UTRN: variants seen among roughly 807,000 people sequenced by gnomAD.
The protein encoded by UTRN is utrophin, also known as dystrophin-related protein 1.
Under a neutral mutation model 463.9 loss-of-function variants are expected in UTRN, and 283 were observed. The ratio of observed to expected loss-of-function variants is 0.61; its 90% CI spans 0.55 to 0.67. UTRN has a LOEUF of 0.67. UTRN is among the 30% of genes least tolerant of loss of function. UTRN has a pLI of 0.00. For missense variants in UTRN, 3,922 were observed against 4,084.3 expected (o/e 0.96, Z 1.08); for synonymous variants, 1,442 against 1,431.5 (o/e 1.01, Z -0.17).
chr6:144,494,017 T>G (rs1201518201), intron 33 of UTRN, among the ~76,000 whole-genome samples: 4 of 152,136 alleles, frequency 2.6e-5, no homozygotes, highest in Non-Finnish European at 2.9e-5. Flanking sequence ...AAAATTTATT[T>G]TTAATATTTA....
At chr6:144,623,519 G>A (rs1380683822) in intron 51 of UTRN, among the ~76,000 whole-genome samples, 1 of 152,106 alleles carries the variant, frequency 6.6e-6, no homozygotes, top group Non-Finnish European at 1.5e-5. Context: ...TTGGAACACT[G>A]GGGAAGATTG....
chr6:144,335,292 T>C (rs977372750), intron 2 of UTRN, among the ~76,000 whole-genome samples: 4 of 152,234 alleles, frequency 2.6e-5, no homozygotes, highest in Admixed American at 2.6e-4. Flanking sequence ...GCTTTGTTCT[T>C]GTCTTATTTC....
chr6:144,490,705 T>C (rs1792975483), intron 31 of UTRN, among the ~76,000 whole-genome samples: 1 of 152,182 alleles, frequency 6.6e-6, no homozygotes, highest in Non-Finnish European at 1.5e-5. Flanking sequence ...ACTTCTGAGA[T>C]TGAGACACTG....
chr6:144,631,790 C>G lies in UTRN; in HGVS notation c.7480-46616C>G, dbSNP rs181986836. 4.6e-4 allele frequency among the ~76,000 whole-genome samples: 70 copies of G among 152,204 alleles called. 2 individuals are homozygous for G. The highest frequency in any genetic ancestry group is 1.6e-3 in the African/African-American group (66 of 41,532). On this transcript the variant is annotated intron_variant, in intron 51 of 74. Transcript: ENST00000367545. ...AAAAAAAGTTTTATAAGTTATTCCACTTGGCATTCGGAACACAATAATGTC... is the reference window on the plus strand; with the variant it reads ...AAAAAAAGTTTTATAAGTTATTCCAGTTGGCATTCGGAACACAATAATGTC...
intron 73 of UTRN, among the ~76,000 whole-genome samples, chr6:144,841,345 T>C (rs1400127210): frequency 3.3e-5 from 5 of 152,208 alleles, no homozygotes; most frequent in Middle Eastern, 3.2e-3. Flanking sequence ...TGGAATAAAA[T>C]AGTCATTGTA....
chr6:144,685,952 A>T (rs544876260), intron 52 of UTRN, among the ~76,000 whole-genome samples: 6 of 152,098 alleles, frequency 3.9e-5, no homozygotes, highest in Non-Finnish European at 8.8e-5. Flanking sequence ...TTGGGGTCTT[A>T]GTCATAAATT....
intron 50 of UTRN, among the ~76,000 whole-genome samples, chr6:144,572,157 A>G (rs1012205570): frequency 3.9e-5 from 6 of 152,122 alleles, no homozygotes; most frequent in African/African-American, 7.2e-5. Context: ...AAGACAGCCC[A>G]TACCTGCTCC....
chr6:144,824,595 TATATATATATATATATA>T (rs1256791861), intron 66 of UTRN, among the ~76,000 whole-genome samples: 15 of 60,186 alleles, frequency 2.5e-4, no homozygotes, highest in African/African-American at 1.1e-3. Flanking sequence ...TATATATATA[TATATATATATATATATA>T]TCTTTTTTTT....
intron 54 of UTRN, among the ~76,000 whole-genome samples, chr6:144,740,063 A>C (rs1018895891): frequency 3.9e-5 from 6 of 152,292 alleles, no homozygotes; most frequent in South Asian, 2.1e-4. Flanking sequence ...TGAAGGGTGA[A>C]TACTTACCAC....
intron 62 of UTRN, among the ~76,000 whole-genome samples, chr6:144,790,295 C>G (rs1776652939): frequency 6.6e-6 from 1 of 152,076 alleles, no homozygotes; most frequent in South Asian, 2.1e-4. Context: ...TAAATCCATA[C>G]ATTTGTGGGA....
intron 2 of UTRN, among the ~76,000 whole-genome samples, chr6:144,342,440 C>A (rs947539055): frequency 4.0e-5 from 6 of 151,824 alleles, no homozygotes; most frequent in African/African-American, 1.5e-4. Context: ...ATGCTCATAG[C>A]AGAATTATTG....
chr6:144,624,774 G>T (rs1192431646), intron 51 of UTRN, among the ~76,000 whole-genome samples: 1 of 152,166 alleles, frequency 6.6e-6, no homozygotes, highest in Non-Finnish European at 1.5e-5. Flanking sequence ...AGGAAGTCAG[G>T]TCTTTACGAG....
chr6:144,840,378 G>A (rs1453849027), intron 72 of UTRN, among the ~76,000 whole-genome samples: 3 of 152,122 alleles, frequency 2.0e-5, no homozygotes, highest in Admixed American at 6.5e-5. Flanking sequence ...AAAGAAATTG[G>A]TGAAATTTTT....
intron 2 of UTRN, among the ~76,000 whole-genome samples, chr6:144,374,429 G>A (rs1355182224): frequency 2.6e-5 from 4 of 151,742 alleles, no homozygotes; most frequent in Non-Finnish European, 5.9e-5. Flanking sequence ...ATAACTTGAG[G>A]TCAGGAGTTT....
intron 51 of UTRN, among the ~76,000 whole-genome samples, chr6:144,634,375 C>T (rs968634498): frequency 1.3e-5 from 2 of 152,100 alleles, no homozygotes; most frequent in African/African-American, 4.8e-5. Context: ...CCCTGGTTAG[C>T]GTTGCCATGT....
intron 64 of UTRN, among the ~76,000 whole-genome samples, chr6:144,802,080 A>G (rs996177232): frequency 6.6e-6 from 1 of 152,226 alleles, no homozygotes; most frequent in East Asian, 1.9e-4. Flanking sequence ...ACCAATGAAA[A>G]AGAGAGAATG....
At chr6:144,599,441 A>T (rs1443046891) in intron 51 of UTRN, among the ~76,000 whole-genome samples, 1 of 152,166 alleles carries the variant, frequency 6.6e-6, no homozygotes, top group Non-Finnish European at 1.5e-5. Flanking sequence ...AGTGAAATGG[A>T]TATGTCAACT....
intron 51 of UTRN, among the ~76,000 whole-genome samples, chr6:144,613,995 C>G (rs1157635295): frequency 1.3e-5 from 2 of 152,054 alleles, no homozygotes; most frequent in Non-Finnish European, 2.9e-5. Context: ...CTTTCCTCCT[C>G]TCACCTGTGA....
intron 51 of UTRN, among the ~76,000 whole-genome samples, chr6:144,646,643 G>C (rs948071318): frequency 6.6e-6 from 1 of 151,958 alleles, no homozygotes; most frequent in African/African-American, 2.4e-5. Flanking sequence ...AGAAATGGGA[G>C]GTTTTCCTAA....
Sources: allele counts gnomAD v4.1 joint callset (sites outside exome capture counted in the v4.1 genomes callset), GRCh38; gene constraint gnomAD v4.1.1; transcripts MANE v1.5; gene names NCBI Gene and HGNC (gene_info 2026-07-23, HGNC 2026-07-21).